Variants in CMIP observed in about 807,000 individuals in gnomAD.
The protein encoded by CMIP is C-Maf-inducing protein.
A neutral mutation model predicts 97.3 loss-of-function variants in CMIP; 13 were observed. That is an observed-to-expected ratio of 0.13 (90% CI 0.09 to 0.21). The LOEUF is 0.21. CMIP is among the 10% of genes least tolerant of loss of function. The pLI, the probability that CMIP is intolerant of heterozygous loss-of-function variation, is 1.00. For missense variants in CMIP, 847 were observed against 1,024.9 expected (o/e 0.83, Z 2.37); for synonymous variants, 538 against 436.3 (o/e 1.23, Z -2.91).
At chr16:81,642,981 C>T (rs918900845) in intron 3 of CMIP, among the ~76,000 whole-genome samples, 13 of 150,968 alleles carry the variant, frequency 8.6e-5, no homozygotes, top group African/African-American at 2.4e-4. Context: ...CTGCCACAGC[C>T]GGATGAACCT....
At chr16:81,699,589 G>T (rs573482351) in intron 14 of CMIP, 96 bp from the exon 15 acceptor site, 19 of 749,722 alleles carry the variant, frequency 2.5e-5, no homozygotes, top group African/African-American at 8.7e-5. Context: ...GTGTAGGCAG[G>T]TCTGTTCAAC....
intron 1 of CMIP, among the ~76,000 whole-genome samples, chr16:81,457,094 C>G (rs1318537222): frequency 6.6e-6 from 1 of 152,062 alleles, no homozygotes; most frequent in Non-Finnish European, 1.5e-5. Context: ...AGCGTCCCGC[C>G]CTGTCTGGCT....
intron 1 of CMIP, among the ~76,000 whole-genome samples, chr16:81,606,079 A>G (rs2091739300): frequency 6.6e-6 from 1 of 152,198 alleles, no homozygotes; most frequent in African/African-American, 2.4e-5. Flanking sequence ...GAAGTCCTCC[A>G]TCTTTATGGT....
chr16:81,594,882 G>A (rs531272619), intron 1 of CMIP, among the ~76,000 whole-genome samples: 1 of 146,172 alleles, frequency 6.8e-6, no homozygotes, highest in African/African-American at 2.5e-5. Context: ...CGCCCGCCTC[G>A]GCCTCCCAAA....
At chr16:81,686,417 T>C (rs72831113) in intron 10 of CMIP, among the ~76,000 whole-genome samples, 45,812 of 152,158 alleles carry the variant, frequency 0.3, 7,102 homozygotes, top group Middle Eastern at 0.35. Context: ...ACTCAAGCAC[T>C]GCAGTCCAGA....
At chr16:81,492,158 T>C (rs2089416521) in intron 1 of CMIP, among the ~76,000 whole-genome samples, 1 of 152,212 alleles carries the variant, frequency 6.6e-6, no homozygotes, top group Non-Finnish European at 1.5e-5. Flanking sequence ...GTATGAACAT[T>C]TTGATGGCTT....
In CMIP at chr16:81,603,333, T is replaced by C. The variant is rs577296416; in HGVS notation, c.301-4234T>C. On this transcript the variant is annotated intron_variant, in intron 1 of 20. Transcript: ENST00000537098. ...AGGTGACGTCATGATCCGCCCACCT[T>C]GGCCTCCCAAAGTGCTGGGATTACA... The C allele has an allele frequency of 8.9e-6, 4 of 450,914 alleles. No individual in the cohort carries two copies. In the East Asian group the frequency reaches 2.1e-4, roughly 24 times the overall value. The allele number at this position is 450,914 out of a possible 1,614,324, so 27.9% of individuals were successfully genotyped here. A position where few individuals can be genotyped will look rare whatever the true frequency, so the allele number is the denominator to read the frequency against.
chr16:81,600,486 C>T (rs2091640187), intron 1 of CMIP, among the ~76,000 whole-genome samples: 1 of 152,136 alleles, frequency 6.6e-6, no homozygotes, highest in Non-Finnish European at 1.5e-5. Context: ...GAGCCAGGCA[C>T]AAACAGCCAC....
chr16:81,571,689 G>A (rs577075668), intron 1 of CMIP, among the ~76,000 whole-genome samples: 81 of 152,228 alleles, frequency 5.3e-4, no homozygotes, highest in African/African-American at 1.9e-3. Context: ...CGAGCAAGCG[G>A]TCCCTTCCTT....
chr16:81,596,796 G>A (rs1050830108), intron 1 of CMIP, among the ~76,000 whole-genome samples: 1 of 152,050 alleles, frequency 6.6e-6, no homozygotes, highest in African/African-American at 2.4e-5. Flanking sequence ...TTAGTCCTAG[G>A]CATACCAGAC....
At chr16:81,467,585 A>C (rs1339603972) in intron 1 of CMIP, among the ~76,000 whole-genome samples, 5 of 137,186 alleles carry the variant, frequency 3.6e-5, no homozygotes, top group South Asian at 2.3e-4. Flanking sequence ...TTTCTTCTTT[A>C]TTTTTTTTTT....
chr16:81,483,538 C>T (rs377245865), intron 1 of CMIP, among the ~76,000 whole-genome samples: 1 of 152,054 alleles, frequency 6.6e-6, no homozygotes, highest in African/African-American at 2.4e-5. Flanking sequence ...GAAGTGCCTC[C>T]TGGCTTGCCT....
chr16:81,475,986 CAAAA>C (rs371817286), intron 1 of CMIP: 91 of 393,288 alleles, frequency 2.3e-4, no homozygotes, highest in Non-Finnish European at 2.5e-4. Flanking sequence ...GACTCCTTCT[CAAAA>C]AAAAAAAAAA....
At position 81,449,273 on chromosome 16, in the gene CMIP, A is replaced by G. The variant is rs1025211397; in HGVS notation, c.300+3732A>G. 2.4e-4 allele frequency among the ~76,000 whole-genome samples: 36 copies of G among 152,212 alleles called. 1 individual carries two copies. Among genetic ancestry groups the G allele is most frequent in the Admixed American group, 2.4e-3 (36 of 15,282 alleles). On this transcript the variant is annotated intron_variant, in intron 1 of 20. Coordinates refer to ENST00000537098, the MANE Select transcript of CMIP (RefSeq NM_198390.3). ...CTTTATTCTCAAGCCATAATTCATC[A>G]GTGGCTTGTTTTTAAATTTTCACCA...
intron 1 of CMIP, among the ~76,000 whole-genome samples, chr16:81,591,546 A>G (rs1467220121): frequency 2.6e-5 from 4 of 152,212 alleles, no homozygotes; most frequent in South Asian, 2.1e-4. Context: ...GCTCTCAGAC[A>G]TCATACTGGC....
intron 1 of CMIP, among the ~76,000 whole-genome samples, chr16:81,510,141 G>C (rs1465749622): frequency 1.3e-5 from 2 of 152,118 alleles, no homozygotes; most frequent in Non-Finnish European, 2.9e-5. Flanking sequence ...AGGTATTGAC[G>C]ACAGTGACGT....
At chr16:81,661,043 G>C (rs1449602088) in intron 6 of CMIP, 97 bp downstream of exon 6, 2 of 1,473,516 alleles carry the variant, frequency 1.4e-6, no homozygotes, top group African/African-American at 2.8e-5. Flanking sequence ...CAAAAACCTG[G>C]GCCCCACCGT....
chr16:81,495,942 C>G (rs2089482158), intron 1 of CMIP, among the ~76,000 whole-genome samples: 1 of 152,212 alleles, frequency 6.6e-6, no homozygotes, highest in African/African-American at 2.4e-5. Flanking sequence ...CCCCCAGCTC[C>G]CCCAGCTCCG....
At chr16:81,525,198 C>T (rs1597506044) in intron 1 of CMIP, among the ~76,000 whole-genome samples, 1 of 151,952 alleles carries the variant, frequency 6.6e-6, no homozygotes, top group African/African-American at 2.4e-5. Context: ...GGCTGGAGTG[C>T]AGTGGCACAA....
Sources: allele counts gnomAD v4.1 joint callset (sites outside exome capture counted in the v4.1 genomes callset), GRCh38; gene constraint gnomAD v4.1.1; transcripts MANE v1.5; gene names NCBI Gene and HGNC (gene_info 2026-07-23, HGNC 2026-07-21).